The following PODXL variants were observed in gnomAD, a reference collection of about 807,000 sequenced individuals.
The protein encoded by PODXL is podocalyxin like.
In PODXL, 20 loss-of-function variants were observed where a neutral mutation model predicts 48.9. The ratio of observed to expected loss-of-function variants is 0.41; its 90% CI spans 0.29 to 0.59. The LOEUF is 0.59. Among genes scored for constraint, PODXL ranks in the 20% least tolerant of loss-of-function variants. PODXL has a pLI of 0.31. For missense variants in PODXL, 606 were observed against 675.1 expected, an observed-to-expected ratio of 0.90 and a Z score of 1.13; for synonymous variants, 295 against 287.4, an observed-to-expected ratio of 1.03 and a Z score of -0.27.
At position 131,506,127 on chromosome 7, in the gene PODXL, A is replaced by G; in HGVS notation, c.1312-92T>C. 3 of 1,550,962 alleles carry G rather than the reference A, an allele frequency of 1.9e-6. No individual in the cohort carries two copies. The South Asian group carries it at 3.5e-5, about 18-fold the overall frequency. ...AGAGCCCCTCCGCTTGCAGTCTGCT[A>G]GGGTCCGTGCCGCCGCCCTCTTCTA... On this transcript the variant is annotated intron_variant, in intron 7 of 8. Coordinates refer to ENST00000378555, the MANE Select transcript of PODXL (RefSeq NM_001018111.3).
intron 1 of PODXL, among the ~76,000 whole-genome samples, chr7:131,532,190 C>G (rs1178967366): frequency 6.6e-6 from 1 of 150,532 alleles, no homozygotes. Context: ...AATCTCAGCA[C>G]TTTGGGAGGC....
intron 1 of PODXL, among the ~76,000 whole-genome samples, chr7:131,548,579 G>A (rs1181015872): frequency 1.3e-5 from 2 of 152,176 alleles, no homozygotes; most frequent in Non-Finnish European, 2.9e-5. Flanking sequence ...GGACCACGAG[G>A]CCACGTGTGA....
chr7:131,552,768 C>T (rs1272478679), intron 1 of PODXL, among the ~76,000 whole-genome samples: 1 of 152,150 alleles, frequency 6.6e-6, no homozygotes, highest in African/African-American at 2.4e-5. Context: ...CACCCACATT[C>T]CCCCACCCCA....
At chr7:131,522,505 G>A (rs899289935) in intron 1 of PODXL, among the ~76,000 whole-genome samples, 2 of 152,196 alleles carry the variant, frequency 1.3e-5, no homozygotes, top group African/African-American at 2.4e-5. Flanking sequence ...TTGAGGAGCA[G>A]CAAACAAGGA....
At chr7:131,530,783 G>A (rs1798266576) in intron 1 of PODXL, among the ~76,000 whole-genome samples, 1 of 149,582 alleles carries the variant, frequency 6.7e-6, no homozygotes, top group Admixed American at 6.7e-5. Context: ...AAAAAGGCCA[G>A]GTGTGGTGGC....
At chr7:131,555,107 AGAG>A (rs918455582) in intron 1 of PODXL, among the ~76,000 whole-genome samples, 40 of 152,276 alleles carry the variant, frequency 2.6e-4, no homozygotes, top group African/African-American at 8.7e-4. Context: ...CCTGCGGTGC[AGAG>A]GAGAGACTGT....
intron 1 of PODXL, among the ~76,000 whole-genome samples, chr7:131,542,278 C>A (rs1798495882): frequency 6.6e-6 from 1 of 152,192 alleles, no homozygotes; most frequent in Non-Finnish European, 1.5e-5. Flanking sequence ...GGCTACCCTG[C>A]AAGGTGGGTG....
chr7:131,522,053 C>A (rs955723766), intron 1 of PODXL, among the ~76,000 whole-genome samples: 1 of 152,262 alleles, frequency 6.6e-6, no homozygotes, highest in Non-Finnish European at 1.5e-5. Flanking sequence ...GTGAAGGCCG[C>A]ACCCTCAAGC....
intron 7 of PODXL, 51 bp from the exon 8 acceptor site, chr7:131,506,086 C>G: frequency 6.3e-7 from 1 of 1,582,050 alleles, no homozygotes; most frequent in African/African-American, 1.3e-5. Flanking sequence ...TCTCCCTCAG[C>G]CCCCGGCTTC....
Position 131,509,114 on chromosome 7 carries a change from G to A in PODXL, c.1024-86C>T, listed in dbSNP as rs1584809035. On this transcript the variant is annotated intron_variant, in intron 4 of 8. Coordinates refer to ENST00000378555, the MANE Select transcript of PODXL (RefSeq NM_001018111.3). Reference sequence around the variant, plus strand: ...CCCCAACTAAGGGGTGACCCAGATAGGAAAGAGTTCACGGCAAGCTGGAGG... The same window carrying A: ...CCCCAACTAAGGGGTGACCCAGATAAGAAAGAGTTCACGGCAAGCTGGAGG... 4.1e-6 allele frequency: 5 copies of A among 1,219,284 alleles called. No individual in the cohort carries two copies. The East Asian group carries it at 1.2e-4, about 28-fold the overall frequency. The allele number at this position is 1,219,284 out of a possible 1,614,324, so 75.5% of individuals were successfully genotyped here.
At chr7:131,551,449 C>A (rs1798665926) in intron 1 of PODXL, among the ~76,000 whole-genome samples, 1 of 152,184 alleles carries the variant, frequency 6.6e-6, no homozygotes, top group African/African-American at 2.4e-5. Context: ...CAGGGCAATG[C>A]CATTCTCTTT....
intron 1 of PODXL, among the ~76,000 whole-genome samples, chr7:131,518,171 G>T (rs1798032519): frequency 1.3e-5 from 2 of 152,104 alleles, no homozygotes; most frequent in Non-Finnish European, 2.9e-5. Context: ...CAGGTACCAG[G>T]TACCAGAGAT....
chr7:131,510,726 C>A, intron 2 of PODXL, 102 bp downstream of exon 2: 1 of 1,401,702 alleles, frequency 7.1e-7, no homozygotes, highest in Non-Finnish European at 1.0e-6. Context: ...CCTGTCTCGG[C>A]CTCCCAAAGT....
intron 4 of PODXL, 51 bp from the exon 5 acceptor site, chr7:131,509,079 T>C (rs753500899): frequency 6.8e-7 from 1 of 1,476,624 alleles, no homozygotes. Flanking sequence ...ATGGAATCTT[T>C]GACATTTCCC....
At chr7:131,553,039 G>A (rs1423883158) in intron 1 of PODXL, among the ~76,000 whole-genome samples, 1 of 152,026 alleles carries the variant, frequency 6.6e-6, no homozygotes, top group East Asian at 1.9e-4. Context: ...TCCCACCTTG[G>A]CCTCTCAAAT....
chr7:131,504,689 T>G (rs1266904619), intron 8 of PODXL, among the ~76,000 whole-genome samples, 181 bp from the exon 9 acceptor site: 2 of 152,118 alleles, frequency 1.3e-5, no homozygotes, highest in Admixed American at 1.3e-4. Context: ...CCGGAACTAG[T>G]TGGGAACAAA....
intron 1 of PODXL, among the ~76,000 whole-genome samples, chr7:131,550,399 G>A (rs533589159): frequency 1.3e-5 from 2 of 152,176 alleles, no homozygotes; most frequent in East Asian, 3.9e-4. Context: ...GCTCATGCCT[G>A]TAATCCTAGC....
rs113315388 is a variant in PODXL, at chr7:131,529,692, C to T, written c.101-18259G>A. Among the ~76,000 whole-genome samples, 755 of 152,142 alleles carry T rather than the reference C, an allele frequency of 5.0e-3. 12 individuals carry two copies. Among genetic ancestry groups the T allele is most frequent in the African/African-American group, 0.017 (701 of 41,500 alleles). On this transcript the variant is annotated intron_variant, in intron 1 of 8. Transcript: ENST00000378555. ...TCGATTGGTGTGCCAAAGGGAAGAG[C>T]GCAGGCTGGGAAATGAGAAGGTCTG...
At chr7:131,539,761 G>A (rs771192212) in intron 1 of PODXL, among the ~76,000 whole-genome samples, 9 of 152,212 alleles carry the variant, frequency 5.9e-5, no homozygotes, top group Non-Finnish European at 2.9e-5. Context: ...AGGAACGTCC[G>A]TGCCCAGTCT....
Sources: allele counts gnomAD v4.1 joint callset (sites outside exome capture counted in the v4.1 genomes callset), GRCh38; gene constraint gnomAD v4.1.1; transcripts MANE v1.5; gene names NCBI Gene and HGNC (gene_info 2026-07-23, HGNC 2026-07-21).